The following MED27 variants were observed in gnomAD, a reference collection of about 807,000 sequenced individuals.
MED27 encodes mediator of RNA polymerase II transcription subunit 27.
Under a neutral mutation model 38.2 loss-of-function variants are expected in MED27, and 30 were observed. That is an observed-to-expected ratio of 0.79 (90% confidence interval 0.59 to 1.07). MED27 has a LOEUF of 1.07. Ranked by LOEUF, MED27 falls within the 50% of genes least tolerant of loss-of-function variation. The probability of loss-of-function intolerance (pLI) is 0.00; values close to 1 mark genes in which losing one functional copy is unlikely to be tolerated. For synonymous variants in MED27, 122 were observed against 153.5 expected (o/e 0.79, Z 1.52); for missense variants, 289 against 397.5 (o/e 0.73, Z 2.32).
At chr9:131,905,103 A>C (rs1830028114) in intron 4 of MED27, among the ~76,000 whole-genome samples, 1 of 152,232 alleles carries the variant, frequency 6.6e-6, no homozygotes, top group Admixed American at 6.5e-5. Flanking sequence ...AAATTAGCTC[A>C]TTTAATTTAT....
intron 2 of MED27, among the ~76,000 whole-genome samples, chr9:132,066,263 A>G (rs1184870017): frequency 2.6e-5 from 4 of 152,240 alleles, no homozygotes; most frequent in Admixed American, 6.5e-5. Context: ...GGGCTGGAGG[A>G]AAGAATGCAT....
intron 6 of MED27, among the ~76,000 whole-genome samples, chr9:131,867,959 C>T (rs1007221526): frequency 4.6e-5 from 7 of 152,142 alleles, no homozygotes; most frequent in African/African-American, 1.7e-4. Context: ...AGGAGAATGG[C>T]CCCCAGAGGG....
At chr9:131,863,224 G>A in intron 6 of MED27, 84 bp from the exon 7 acceptor site, 2 of 1,081,508 alleles carry the variant, frequency 1.8e-6, no homozygotes, top group Non-Finnish European at 2.8e-6. Context: ...CGCCTTCTGT[G>A]TGAAAACAGA....
intron 3 of MED27, among the ~76,000 whole-genome samples, chr9:131,976,502 A>G (rs1293920119): frequency 6.6e-6 from 1 of 152,234 alleles, no homozygotes; most frequent in Non-Finnish European, 1.5e-5. Context: ...GATTATTCCC[A>G]GGACCCTGAG....
chr9:132,015,795 G>A (rs946963857), intron 2 of MED27, among the ~76,000 whole-genome samples: 3 of 151,898 alleles, frequency 2.0e-5, no homozygotes, highest in African/African-American at 4.8e-5. Context: ...CATCAATATC[G>A]CTATAATAAA....
At chr9:131,995,082 G>A (rs1003911842) in intron 3 of MED27, among the ~76,000 whole-genome samples, 2 of 152,140 alleles carry the variant, frequency 1.3e-5, no homozygotes, top group Admixed American at 1.3e-4. Flanking sequence ...GAAGACTCAT[G>A]GGCAGCAGTG....
At chr9:132,060,946 C>A (rs1350582736) in intron 2 of MED27, among the ~76,000 whole-genome samples, 2 of 152,122 alleles carry the variant, frequency 1.3e-5, no homozygotes, top group Non-Finnish European at 2.9e-5. Flanking sequence ...AAGACTCCAT[C>A]TCAAACAACA....
intron 3 of MED27, among the ~76,000 whole-genome samples, chr9:131,994,940 C>G (rs1213602878): frequency 6.6e-6 from 1 of 152,088 alleles, no homozygotes; most frequent in Non-Finnish European, 1.5e-5. Flanking sequence ...AGCCAAAAAT[C>G]CATGGCAGCT....
rs112511169 is a variant in MED27 at position 131,930,032 on chromosome 9, C to CAGAGAGAGAG, written c.573+9339_573+9348dup. Among the ~76,000 whole-genome samples, 158 of 151,204 alleles carry CAGAGAGAGAG rather than the reference C, an allele frequency of 1.0e-3. 1 individual carries two copies. Among genetic ancestry groups the CAGAGAGAGAG allele is most frequent in the African/African-American group, 3.4e-3 (142 of 41,336 alleles). On this transcript the variant is annotated intron_variant, in intron 4 of 7. Coordinates refer to ENST00000292035, the MANE Select transcript of MED27 (RefSeq NM_004269.4). ...ATCTCCAGCTCCAGGTGGCTTAGCA[C>CAGAGAGAGAG]AGAGAGAGAGAGAGGCTCCCTTTGT...
chr9:131,952,789 G>A (rs1364991279), intron 3 of MED27, among the ~76,000 whole-genome samples: 2 of 152,188 alleles, frequency 1.3e-5, no homozygotes, highest in Admixed American at 6.5e-5. Flanking sequence ...TTACCCCTGG[G>A]GGAAGGATAG....
At chr9:132,043,919 A>C (rs1833276304) in intron 2 of MED27, among the ~76,000 whole-genome samples, 1 of 152,232 alleles carries the variant, frequency 6.6e-6, no homozygotes, top group South Asian at 2.1e-4. Context: ...CTCCATACCC[A>C]GTGCTGACAA....
At chr9:131,973,865 G>A (rs567802504) in intron 3 of MED27, among the ~76,000 whole-genome samples, 239 of 150,994 alleles carry the variant, frequency 1.6e-3, no homozygotes, top group African/African-American at 5.4e-3. Context: ...CCGCCACCAC[G>A]CGCGGCTGAT....
intron 3 of MED27, among the ~76,000 whole-genome samples, chr9:131,976,384 G>A (rs995759014): frequency 3.3e-5 from 5 of 152,180 alleles, no homozygotes; most frequent in Admixed American, 3.3e-4. Flanking sequence ...CTAATCAGCT[G>A]ATAAGTTATG....
chr9:131,897,361 G>A (rs1410145510), intron 4 of MED27, among the ~76,000 whole-genome samples: 2 of 152,176 alleles, frequency 1.3e-5, no homozygotes, highest in South Asian at 2.1e-4. Context: ...TAACCACAAC[G>A]GTTATGCCAA....
At chr9:131,885,171 T>C (rs1839116561) in intron 5 of MED27, among the ~76,000 whole-genome samples, 1 of 152,202 alleles carries the variant, frequency 6.6e-6, no homozygotes, top group African/African-American at 2.4e-5. Context: ...GGCACTGCAC[T>C]AGGCCCTCCA....
rs1832283341 is a variant in MED27, at chr9:132,003,234, G to A, written c.479+11103C>T. Among the ~76,000 whole-genome samples, 1 of 152,202 alleles carries A rather than the reference G, an allele frequency of 6.6e-6. No homozygotes were observed. The highest frequency in any genetic ancestry group is 1.5e-5 in the Non-Finnish European group (1 of 68,036). Reference sequence around the variant, plus strand: ...TTCCTGGATAAAATCACCTTGTAAAGGAGAAATGCAATTAGAGGATGCAAT... The same window carrying A: ...TTCCTGGATAAAATCACCTTGTAAAAGAGAAATGCAATTAGAGGATGCAAT... On this transcript the variant is annotated intron_variant, in intron 3 of 7. Coordinates refer to ENST00000292035, the MANE Select transcript of MED27 (RefSeq NM_004269.4). This position sits in a 1 kb window ranked among gnomAD's most constrained non-coding sequence, Gnocchi z 4.2.
chr9:131,860,676 A>C lies in MED27; in HGVS notation c.802-4T>G. The C allele has an allele frequency of 6.2e-7, 1 of 1,612,878 alleles. No individual in the cohort carries two copies. Among genetic ancestry groups the C allele is most frequent in the Non-Finnish European group, 8.5e-7 (1 of 1,179,494 alleles). On this transcript the variant is annotated splice_region_variant and splice_polypyrimidine_tract_variant and intron_variant, in intron 7 of 7. Coordinates refer to ENST00000292035, the MANE Select transcript of MED27 (RefSeq NM_004269.4). The surrounding 1 kb of genome is among the most constrained non-coding windows in gnomAD (Gnocchi z 5.8). ...TTATGTAACTTCTTAACCAGGTCTAAAAAGAGAAACGAGGAGAGAAGTGAA... is the reference window on the plus strand; with the variant it reads ...TTATGTAACTTCTTAACCAGGTCTACAAAGAGAAACGAGGAGAGAAGTGAA...
At chr9:131,904,287 C>T (rs1830009476) in intron 4 of MED27, among the ~76,000 whole-genome samples, 2 of 152,026 alleles carry the variant, frequency 1.3e-5, no homozygotes, top group Admixed American at 1.3e-4. Flanking sequence ...AGTCCATCTG[C>T]CTCAGCCTTC....
At chr9:132,036,686 C>T (rs367930004) in intron 2 of MED27, among the ~76,000 whole-genome samples, 1 of 152,140 alleles carries the variant, frequency 6.6e-6, no homozygotes, top group Non-Finnish European at 1.5e-5. Context: ...ACTATGCATA[C>T]GTTTCATAGG....
Sources: allele counts gnomAD v4.1 joint callset (sites outside exome capture counted in the v4.1 genomes callset), GRCh38; gene constraint gnomAD v4.1.1; non-coding constraint Gnocchi (gnomAD v3.1); transcripts MANE v1.5; gene names NCBI Gene and HGNC (gene_info 2026-07-23, HGNC 2026-07-21).